Variants in FNDC3B observed in about 807,000 individuals in gnomAD.
The protein encoded by FNDC3B is fibronectin type III domain-containing protein 3B.
Under a neutral mutation model 151.5 loss-of-function variants are expected in FNDC3B, and 12 were observed. The ratio of observed to expected loss-of-function variants is 0.08; its 90% CI spans 0.05 to 0.13. The LOEUF (loss-of-function observed/expected upper bound fraction) is 0.13. FNDC3B is among the 10% of genes least tolerant of loss of function. The pLI is 1.00. For synonymous variants in FNDC3B, 528 were observed against 549.0 expected (o/e 0.96, Z 0.54); for missense variants, 1,214 against 1,505.3 (o/e 0.81, Z 3.20).
chr3:172,118,520 A>T (rs1305694485), intron 2 of FNDC3B, among the ~76,000 whole-genome samples: 3 of 152,246 alleles, frequency 2.0e-5, no homozygotes, highest in Non-Finnish European at 4.4e-5. Context: ...AGAAAGAAGG[A>T]TATTCAGATG....
At chr3:172,225,192 GA>G (rs1726493011) in intron 3 of FNDC3B, among the ~76,000 whole-genome samples, 1 of 152,034 alleles carries the variant, frequency 6.6e-6, no homozygotes, top group Non-Finnish European at 1.5e-5. Context: ...ACTTTTTTGG[GA>G]AGACAGGGTC....
intron 3 of FNDC3B, among the ~76,000 whole-genome samples, chr3:172,170,129 C>G (rs764292942): frequency 6.6e-6 from 1 of 152,188 alleles, no homozygotes; most frequent in Non-Finnish European, 1.5e-5. Flanking sequence ...TTTTCTTCCT[C>G]CCCTCTAGCT....
intron 1 of FNDC3B, among the ~76,000 whole-genome samples, chr3:172,081,346 C>CT (rs34033889): frequency 0.49 from 74,287 of 151,716 alleles, 19,699 homozygotes; most frequent in East Asian, 0.59. Flanking sequence ...TTTTTGTTCT[C>CT]TTTTTTTTCT....
chr3:172,121,265 A>G (rs997544228), intron 2 of FNDC3B, among the ~76,000 whole-genome samples: 1 of 152,218 alleles, frequency 6.6e-6, no homozygotes, highest in Non-Finnish European at 1.5e-5. Flanking sequence ...TTGTGTATCA[A>G]ACTGATAATG....
At chr3:172,138,946 T>C (rs998587951) in intron 3 of FNDC3B, among the ~76,000 whole-genome samples, 1 of 152,232 alleles carries the variant, frequency 6.6e-6, no homozygotes, top group African/African-American at 2.4e-5. Context: ...CAGCTCTGTG[T>C]CTAATTCTCC....
At chr3:172,185,259 C>T (rs575672298) in intron 3 of FNDC3B, among the ~76,000 whole-genome samples, 1 of 152,296 alleles carries the variant, frequency 6.6e-6, no homozygotes, top group African/African-American at 2.4e-5. Context: ...CCCATTTCTT[C>T]CAGCTAGGTA....
chr3:172,340,232 C>G (rs569562627), intron 16 of FNDC3B, among the ~76,000 whole-genome samples: 1 of 151,814 alleles, frequency 6.6e-6, no homozygotes, highest in East Asian at 1.9e-4. Context: ...GGTCAGATCA[C>G]TTGGGTCATG....
chr3:172,317,206 CAG>C (rs1436733699), intron 11 of FNDC3B: 6 of 441,272 alleles, frequency 1.4e-5, no homozygotes, highest in African/African-American at 4.3e-5. Context: ...TTTTTTGAGA[CAG>C]AGTCTTGCTC....
intron 1 of FNDC3B, among the ~76,000 whole-genome samples, chr3:172,095,115 A>T (rs1056545665): frequency 2.6e-5 from 4 of 152,134 alleles, no homozygotes; most frequent in African/African-American, 9.7e-5. Context: ...AGTTCTGTCT[A>T]ATTCTGACCT....
chr3:172,155,923 C>G (rs6777978), intron 3 of FNDC3B, among the ~76,000 whole-genome samples: 1 of 152,066 alleles, frequency 6.6e-6, no homozygotes, highest in Non-Finnish European at 1.5e-5. Flanking sequence ...TCTGTTAATC[C>G]GTTGCAGTGG....
intron 3 of FNDC3B, among the ~76,000 whole-genome samples, chr3:172,181,581 G>A (rs965341832): frequency 1.2e-4 from 18 of 151,418 alleles, no homozygotes; most frequent in African/African-American, 3.6e-4. Context: ...CTGTAATCCC[G>A]GCACTTTGGG....
chr3:172,329,802 T>C (rs1370102580), intron 12 of FNDC3B: 1 of 152,168 alleles, frequency 6.6e-6, no homozygotes, highest in Non-Finnish European at 1.5e-5. Context: ...TCCACCACCA[T>C]GGTAGCCATT....
At chr3:172,147,283 G>A (rs1376234433) in intron 3 of FNDC3B, among the ~76,000 whole-genome samples, 2 of 148,772 alleles carry the variant, frequency 1.3e-5, no homozygotes, top group Non-Finnish European at 3.0e-5. Flanking sequence ...CTCGAGCCTG[G>A]CGACAGAGTG....
At chr3:172,182,748 A>T (rs2108656270) in intron 3 of FNDC3B, among the ~76,000 whole-genome samples, 1 of 152,350 alleles carries the variant, frequency 6.6e-6, no homozygotes, top group Non-Finnish European at 1.5e-5. Flanking sequence ...GTGATACATG[A>T]GTAAATTTTC....
At chr3:172,379,622 A>C (rs1264669245) in intron 24 of FNDC3B, among the ~76,000 whole-genome samples, 1 of 149,568 alleles carries the variant, frequency 6.7e-6, no homozygotes, top group Non-Finnish European at 1.5e-5. Context: ...CGGCCTTGTC[A>C]GGTCACTTTG....
intron 5 of FNDC3B, among the ~76,000 whole-genome samples, chr3:172,248,995 CT>C (rs1727930636): frequency 6.6e-6 from 1 of 151,598 alleles, no homozygotes; most frequent in Admixed American, 6.6e-5. Flanking sequence ...GCATCAATAA[CT>C]TCCTATCAAT....
intron 1 of FNDC3B, among the ~76,000 whole-genome samples, chr3:172,106,492 A>G (rs974219723): frequency 2.0e-5 from 3 of 152,072 alleles, no homozygotes; most frequent in African/African-American, 7.2e-5. Context: ...TGGTACTGTT[A>G]TGTTTCTTTT....
intron 3 of FNDC3B, among the ~76,000 whole-genome samples, chr3:172,225,116 T>C (rs1465379762): frequency 6.6e-6 from 1 of 152,256 alleles, no homozygotes; most frequent in East Asian, 1.9e-4. Flanking sequence ...ATTCATTGAA[T>C]TTAATTTGTT....
Position 172,330,688 on chromosome 3 carries a change from C to A in FNDC3B, c.1527C>A (p.Tyr509Ter). The A allele has an allele frequency of 6.2e-7, 1 of 1,613,570 alleles. No individual in the cohort carries two copies. The highest frequency in any genetic ancestry group is 8.5e-7 in the Non-Finnish European group (1 of 1,179,716). The change falls in exon 13 of 26, where the codon TAC (tyrosine) becomes TAA (stop). Residue 509 changes from tyrosine (Y) to a stop codon, truncating the protein, a stop_gained. Coordinates refer to ENST00000415807, the MANE Select transcript of FNDC3B (RefSeq NM_022763.4). LOFTEE classifies it high-confidence loss of function. ...EGCSPEEVIT[Y>*]TLEIQEDEND... ...GTTCACCCGAGGAAGTGATCACCTA[C>A]ACCTTGGAAATTCAGGAGGATGAAA...
Sources: allele counts gnomAD v4.1 joint callset (sites outside exome capture counted in the v4.1 genomes callset), GRCh38; gene constraint gnomAD v4.1.1; transcripts MANE v1.5; gene names NCBI Gene and HGNC (gene_info 2026-07-23, HGNC 2026-07-21).